PRKAG2: variants seen among roughly 807,000 people sequenced by gnomAD.
PRKAG2 encodes protein kinase AMP-activated non-catalytic subunit gamma 2.
Under a neutral mutation model 69.6 loss-of-function variants are expected in PRKAG2, and 26 were observed. That is an observed-to-expected ratio of 0.37 (90% confidence interval 0.27 to 0.52). The LOEUF is 0.52. Among genes scored for constraint, PRKAG2 ranks in the 20% least tolerant of loss-of-function variants. The probability of loss-of-function intolerance (pLI) is 0.90; values close to 1 mark genes in which losing one functional copy is unlikely to be tolerated. For synonymous variants in PRKAG2, 293 were observed against 285.0 expected, an observed-to-expected ratio of 1.03 and a Z score of -0.28; for missense variants, 557 against 740.0, an observed-to-expected ratio of 0.75 and a Z score of 2.87.
intron 5 of PRKAG2, among the ~76,000 whole-genome samples, chr7:151,604,805 C>G (rs912096051): frequency 6.6e-6 from 1 of 152,154 alleles, no homozygotes; most frequent in East Asian, 1.9e-4. Context: ...CTCCTGGCTG[C>G]GACAGTTTCT....
In PRKAG2 at chr7:151,682,135, T is replaced by C. The variant is rs565760353; in HGVS notation, c.467-6498A>G. ...AATCAGTAGAGAAACAACTGTCTTA[T>C]GAGTCAGGTAAGGTGGGTAGTAAGA... On this transcript the variant is annotated intron_variant, in intron 3 of 15. Transcript: ENST00000287878. Among the ~76,000 whole-genome samples, 2 of 152,362 alleles carry C rather than the reference T, an allele frequency of 1.3e-5. 1 individual carries two copies. Among genetic ancestry groups the C allele is most frequent in the South Asian group, 4.1e-4 (2 of 4,832 alleles).
chr7:151,639,226 A>G (rs59152884), intron 4 of PRKAG2, among the ~76,000 whole-genome samples: 18,820 of 152,092 alleles, frequency 0.12, 1,281 homozygotes, highest in Middle Eastern at 0.15. Flanking sequence ...TTCTTTTGAG[A>G]CAACCCACTT....
At chr7:151,693,115 C>A (rs78853345) in intron 3 of PRKAG2, among the ~76,000 whole-genome samples, 7,594 of 152,294 alleles carry the variant, frequency 0.05, 470 homozygotes, top group African/African-American at 0.15. Context: ...TCACCCGGCG[C>A]TCCTGAGGAC....
intron 1 of PRKAG2, among the ~76,000 whole-genome samples, chr7:151,854,305 G>A (rs948863714): frequency 6.6e-6 from 1 of 152,246 alleles, no homozygotes; most frequent in East Asian, 1.9e-4. Flanking sequence ...GCACACACAC[G>A]AACACACGTG....
At chr7:151,664,624 T>TA (rs1333904067) in intron 4 of PRKAG2, among the ~76,000 whole-genome samples, 2 of 152,234 alleles carry the variant, frequency 1.3e-5, no homozygotes, top group Admixed American at 6.5e-5. Flanking sequence ...GATGGTTTCT[T>TA]AGACAAGAAA....
intron 1 of PRKAG2, among the ~76,000 whole-genome samples, 192 bp downstream of exon 1, chr7:151,876,315 C>CAG (rs959790781): frequency 2.0e-5 from 3 of 152,046 alleles, no homozygotes; most frequent in Non-Finnish European, 2.9e-5. Context: ...TGCACGCGGG[C>CAG]AGAGAGAGAG....
intron 1 of PRKAG2, among the ~76,000 whole-genome samples, chr7:151,797,479 A>G (rs933689990): frequency 2.6e-5 from 4 of 152,266 alleles, no homozygotes; most frequent in African/African-American, 9.6e-5. Flanking sequence ...GCTCCCAAAC[A>G]GCTACCCAAG....
intron 3 of PRKAG2, among the ~76,000 whole-genome samples, chr7:151,778,965 A>AACAC (rs150597786): frequency 4.1e-4 from 62 of 151,538 alleles, no homozygotes; most frequent in African/African-American, 9.0e-4. Flanking sequence ...ACAAATCCAA[A>AACAC]ACACACACAC....
chr7:151,736,870 CTA>C (rs966799505), intron 3 of PRKAG2, among the ~76,000 whole-genome samples: 31 of 152,288 alleles, frequency 2.0e-4, no homozygotes, highest in African/African-American at 5.5e-4. Flanking sequence ...CAACTCCCTT[CTA>C]TGACAGATGG....
chr7:151,802,093 C>T (rs1563700067), intron 1 of PRKAG2, among the ~76,000 whole-genome samples: 2 of 152,138 alleles, frequency 1.3e-5, no homozygotes, highest in South Asian at 4.1e-4. Context: ...GTCACCTACA[C>T]CTGTCAGAAG....
chr7:151,579,133 T>TC (rs1809741984), intron 6 of PRKAG2, among the ~76,000 whole-genome samples: 1 of 152,186 alleles, frequency 6.6e-6, no homozygotes, highest in Non-Finnish European at 1.5e-5. Context: ...CAAGTGATTC[T>TC]CCCACCTCAG....
intron 3 of PRKAG2, among the ~76,000 whole-genome samples, chr7:151,753,400 C>T (rs941867229): frequency 1.3e-5 from 2 of 152,062 alleles, no homozygotes; most frequent in African/African-American, 4.8e-5. Context: ...ATGATGTCTG[C>T]AAATTCCTCT....
intron 1 of PRKAG2, among the ~76,000 whole-genome samples, chr7:151,870,154 T>TAGATAGGCAGGCAGGC (rs1159760978): frequency 1.4e-5 from 2 of 138,322 alleles, no homozygotes; most frequent in African/African-American, 5.5e-5. Context: ...GATAGATAGA[T>TAGATAGGCAGGCAGGC]AGGCAGGCAG....
intron 5 of PRKAG2, among the ~76,000 whole-genome samples, chr7:151,616,019 C>T (rs905083612): frequency 2.6e-5 from 4 of 152,224 alleles, no homozygotes; most frequent in African/African-American, 9.6e-5. Flanking sequence ...CACACCAGCT[C>T]CTGTAGTTGT....
At chr7:151,773,023 A>AAGAAAGAGAG (rs1563639223) in intron 3 of PRKAG2, among the ~76,000 whole-genome samples, 4 of 55,056 alleles carry the variant, frequency 7.3e-5, no homozygotes, top group African/African-American at 7.7e-5. Context: ...GAAAGAAAGA[A>AAGAAAGAGAG]AGAGAGAGAG....
At chr7:151,604,671 A>G (rs1040040527) in intron 5 of PRKAG2, among the ~76,000 whole-genome samples, 1 of 152,070 alleles carries the variant, frequency 6.6e-6, no homozygotes, top group African/African-American at 2.4e-5. Context: ...CACACACCCC[A>G]ACAATGTATT....
chr7:151,813,652 C>T (rs2078539554), intron 1 of PRKAG2, among the ~76,000 whole-genome samples: 1 of 152,114 alleles, frequency 6.6e-6, no homozygotes, highest in Admixed American at 6.5e-5. Flanking sequence ...TTCTGGTTCT[C>T]AGCCTCCCCC....
At chr7:151,725,242 CGAA>C (rs1797748692) in intron 3 of PRKAG2, among the ~76,000 whole-genome samples, 2 of 152,120 alleles carry the variant, frequency 1.3e-5, no homozygotes, top group Admixed American at 1.3e-4. Flanking sequence ...CCCACACACA[CGAA>C]GGACATCTGT....
At position 151,850,180 on chromosome 7, in the gene PRKAG2, A is replaced by G. The variant is rs980503227; in HGVS notation, c.114+26327T>C. 3.9e-5 allele frequency among the ~76,000 whole-genome samples: 6 copies of G among 152,152 alleles called. No homozygotes were observed. Among genetic ancestry groups the G allele is most frequent in the Admixed American group, 3.9e-4 (6 of 15,284 alleles). ...GGGGTGCAGGGGAACCGTAGCACCA[A>G]TTACCCATAGTGGGCACATCAAATG... On this transcript the variant is annotated intron_variant, in intron 1 of 15. Transcript: ENST00000287878. The surrounding 1 kb of genome is among the most constrained non-coding windows in gnomAD (Gnocchi z 4.1).
Sources: allele counts gnomAD v4.1 joint callset (sites outside exome capture counted in the v4.1 genomes callset), GRCh38; gene constraint gnomAD v4.1.1; non-coding constraint Gnocchi (gnomAD v3.1); transcripts MANE v1.5; gene names NCBI Gene and HGNC (gene_info 2026-07-23, HGNC 2026-07-21).